The following ITGBL1 variants were observed in gnomAD, a reference collection of about 807,000 sequenced individuals.
ITGBL1 encodes integrin subunit beta like 1.
In ITGBL1, 51 loss-of-function variants were observed where a neutral mutation model predicts 68.5. The ratio of observed to expected loss-of-function variants is 0.74; its 90% confidence interval spans 0.59 to 0.94. The LOEUF (loss-of-function observed/expected upper bound fraction) is 0.94. ITGBL1 is among the 40% of genes least tolerant of loss of function. The probability of loss-of-function intolerance (pLI) is 0.00; values close to 1 mark genes in which losing one functional copy is unlikely to be tolerated. For synonymous variants in ITGBL1, 209 were observed against 227.3 expected (o/e 0.92, Z 0.72); for missense variants, 649 against 647.4 (o/e 1.00, Z -0.03).
intron 2 of ITGBL1, among the ~76,000 whole-genome samples, chr13:101,458,286 A>C (rs2048271655): frequency 6.6e-6 from 1 of 152,232 alleles, no homozygotes; most frequent in South Asian, 2.1e-4. Context: ...GAGTACTGGG[A>C]GATTTTTTAA....
At chr13:101,674,039 A>G (rs1034251040) in intron 7 of ITGBL1, among the ~76,000 whole-genome samples, 1 of 152,260 alleles carries the variant, frequency 6.6e-6, no homozygotes, top group Non-Finnish European at 1.5e-5. Flanking sequence ...CTGAATCAAA[A>G]TGAAGTCACT....
intron 7 of ITGBL1, among the ~76,000 whole-genome samples, chr13:101,637,390 C>T (rs922571137): frequency 1.4e-5 from 2 of 144,816 alleles, no homozygotes; most frequent in Non-Finnish European, 3.0e-5. Flanking sequence ...GTCACCCAGG[C>T]TAGAGTGCAG....
intron 6 of ITGBL1, among the ~76,000 whole-genome samples, chr13:101,588,896 A>G (rs955619658): frequency 6.6e-6 from 1 of 152,160 alleles, no homozygotes; most frequent in Admixed American, 6.5e-5. Context: ...GAAAAGTTGC[A>G]ATTTTGTTTT....
chr13:101,534,619 C>T (rs923827781), intron 2 of ITGBL1, among the ~76,000 whole-genome samples: 2 of 152,064 alleles, frequency 1.3e-5, no homozygotes, highest in African/African-American at 4.8e-5. Flanking sequence ...TTCATGATGG[C>T]CTCCATCTTC....
At chr13:101,624,847 T>C (rs1195331873) in intron 7 of ITGBL1, among the ~76,000 whole-genome samples, 1 of 152,172 alleles carries the variant, frequency 6.6e-6, no homozygotes, top group East Asian at 1.9e-4. Context: ...AACATTTACC[T>C]TCATTTTCGT....
intron 2 of ITGBL1, among the ~76,000 whole-genome samples, chr13:101,547,534 T>G (rs933805475): frequency 3.3e-5 from 5 of 151,760 alleles, no homozygotes; most frequent in African/African-American, 1.2e-4. Context: ...CATGTAAATA[T>G]TAAAGCCTAG....
At chr13:101,587,089 A>C (rs1386722540) in intron 6 of ITGBL1, among the ~76,000 whole-genome samples, 2 of 152,174 alleles carry the variant, frequency 1.3e-5, no homozygotes, top group African/African-American at 2.4e-5. Context: ...GTCTTATTTA[A>C]GTCCAAGGGA....
intron 2 of ITGBL1, among the ~76,000 whole-genome samples, chr13:101,535,817 C>A (rs1261968380): frequency 6.6e-6 from 1 of 152,064 alleles, no homozygotes; most frequent in Non-Finnish European, 1.5e-5. Flanking sequence ...CAATTCGAAT[C>A]TCTTCTTCAT....
intron 7 of ITGBL1, among the ~76,000 whole-genome samples, chr13:101,654,608 A>T (rs1173983164): frequency 1.3e-5 from 2 of 152,194 alleles, no homozygotes; most frequent in Non-Finnish European, 2.9e-5. Flanking sequence ...AGCTGACTCG[A>T]TGGTGGCATG....
chr13:101,663,537 A>G (rs2033139654), intron 7 of ITGBL1, among the ~76,000 whole-genome samples: 1 of 152,202 alleles, frequency 6.6e-6, no homozygotes, highest in Non-Finnish European at 1.5e-5. Context: ...AGGCCTGGGC[A>G]TATTCCAGTC....
chr13:101,454,178 GAA>G, intron 2 of ITGBL1, 78 bp downstream of exon 2: 2 of 1,059,008 alleles, frequency 1.9e-6, no homozygotes, highest in Non-Finnish European at 2.6e-6. Context: ...CTAGAAGAGT[GAA>G]GGGTGGGGAC....
At chr13:101,634,972 A>G (rs977772238) in intron 7 of ITGBL1, among the ~76,000 whole-genome samples, 1 of 138,650 alleles carries the variant, frequency 7.2e-6, no homozygotes, top group Non-Finnish European at 1.5e-5. Flanking sequence ...GTGTGTGTGT[A>G]TTTCTAGTTT....
At chr13:101,567,494 A>AT (rs1411750728) in intron 2 of ITGBL1, among the ~76,000 whole-genome samples, 4 of 152,050 alleles carry the variant, frequency 2.6e-5, no homozygotes, top group African/African-American at 9.7e-5. Context: ...TGTTTTTATA[A>AT]TTTATCGGTT....
intron 7 of ITGBL1, among the ~76,000 whole-genome samples, chr13:101,617,527 A>T (rs1239763382): frequency 6.6e-6 from 1 of 152,172 alleles, no homozygotes; most frequent in Non-Finnish European, 1.5e-5. Flanking sequence ...AAATAATAGG[A>T]ATACAGAAAC....
At chr13:101,550,777 T>G (rs7319118) in intron 2 of ITGBL1, among the ~76,000 whole-genome samples, 118,024 of 152,056 alleles carry the variant, frequency 0.78, 45,808 homozygotes, top group South Asian at 0.81. Context: ...TTATCTTGAA[T>G]GTGCAAAGGA....
intron 2 of ITGBL1, among the ~76,000 whole-genome samples, chr13:101,520,602 G>T (rs2049269141): frequency 6.6e-6 from 1 of 152,166 alleles, no homozygotes. Context: ...TCTTTTAAAG[G>T]ATAACCACTG....
chr13:101,561,232 A>G (rs76279480), intron 2 of ITGBL1, among the ~76,000 whole-genome samples: 8,658 of 152,228 alleles, frequency 0.057, 319 homozygotes, highest in Middle Eastern at 0.088. Flanking sequence ...ATTTGTATCT[A>G]TAAATCCTAC....
At chr13:101,500,927 C>T (rs1049767513) in intron 2 of ITGBL1, among the ~76,000 whole-genome samples, 7 of 152,188 alleles carry the variant, frequency 4.6e-5, no homozygotes, top group Admixed American at 4.6e-4. Context: ...ACTTCATTAC[C>T]TAGCTGAATG....
At chr13:101,607,270 T>C (rs2030913968) in intron 7 of ITGBL1, among the ~76,000 whole-genome samples, 1 of 152,098 alleles carries the variant, frequency 6.6e-6, no homozygotes, top group Non-Finnish European at 1.5e-5. Context: ...TTTGCCATTT[T>C]ACATAATTGC....
Sources: gnomAD v4.1 joint callset for allele counts (sites outside exome capture counted in the v4.1 genomes callset) on GRCh38, gnomAD v4.1.1 for gene constraint, MANE v1.5 for transcripts, NCBI Gene and HGNC (gene_info 2026-07-23, HGNC 2026-07-21) for gene names.